The following USH2A variants were observed in gnomAD, a reference collection of about 807,000 sequenced individuals.
USH2A encodes the protein Usher syndrome 2A (autosomal recessive, mild).
USH2A carries 443 observed loss-of-function variants against 538.9 expected under a neutral mutation model. The ratio of observed to expected loss-of-function variants is 0.82; its 90% CI spans 0.76 to 0.89. The LOEUF is 0.89. Ranked by LOEUF, USH2A falls within the 40% of genes least tolerant of loss-of-function variation. The pLI is 0.00. For missense variants in USH2A, 6,633 were observed against 6,324.8 expected (o/e 1.05, Z -1.65); for synonymous variants, 2,413 against 2,273.5 (o/e 1.06, Z -1.75).
At chr1:216,167,395 C>T (rs2034192029) in intron 21 of USH2A, among the ~76,000 whole-genome samples, 1 of 152,098 alleles carries the variant, frequency 6.6e-6, no homozygotes, top group African/African-American at 2.4e-5. Context: ...CCAATGAGAT[C>T]TCAGGAGATG....
At chr1:216,377,628 A>G (rs914872266) in intron 3 of USH2A, among the ~76,000 whole-genome samples, 1 of 151,110 alleles carries the variant, frequency 6.6e-6, no homozygotes, top group Admixed American at 6.6e-5. Flanking sequence ...TCCAATTCTG[A>G]CATGTTTCTT....
chr1:215,758,286 CA>C lies in USH2A; in HGVS notation c.11389+308del, dbSNP rs34577448. ...GGGCAACAAGAGTGAAACTCCGTCT[CA>C]AAAAAAAAAAAAAAATAGATGAGTA... On this transcript the variant is annotated intron_variant, in intron 58 of 71. Transcript: ENST00000307340. Among the ~76,000 whole-genome samples the C allele has an allele frequency of 0.79, 107,466 of 135,192 alleles. 42,510 individuals are homozygous for C. The highest frequency in any genetic ancestry group is 0.98 in the East Asian group (4,535 of 4,610). 88.7% of individuals were successfully genotyped at this position (135,192 alleles called of 152,430 possible).
At chr1:216,322,341 G>A (rs1197545754) in intron 8 of USH2A, among the ~76,000 whole-genome samples, 3 of 152,072 alleles carry the variant, frequency 2.0e-5, no homozygotes, top group African/African-American at 7.2e-5. Flanking sequence ...GGTGGCTCAC[G>A]CCTGTAATCT....
intron 62 of USH2A, 105 bp downstream of exon 62, chr1:215,680,044 C>T: frequency 3.5e-6 from 4 of 1,130,802 alleles, no homozygotes; most frequent in Non-Finnish European, 5.3e-6. Flanking sequence ...GAGAATTAAA[C>T]AGGCTGTGAA....
chr1:215,752,446 G>A (rs370593596), intron 58 of USH2A, among the ~76,000 whole-genome samples: 1 of 152,096 alleles, frequency 6.6e-6, no homozygotes, highest in Admixed American at 6.6e-5. Flanking sequence ...GGAGACAGGG[G>A]AATATTTACC....
At chr1:216,282,302 A>T (rs963399132) in intron 11 of USH2A, among the ~76,000 whole-genome samples, 7 of 152,208 alleles carry the variant, frequency 4.6e-5, no homozygotes, top group African/African-American at 1.7e-4. Context: ...CCACTGGCTA[A>T]TCCGAGGACA....
At chr1:216,167,924 A>G (rs2034202639) in intron 21 of USH2A, among the ~76,000 whole-genome samples, 1 of 152,124 alleles carries the variant, frequency 6.6e-6, no homozygotes, top group Admixed American at 6.6e-5. Flanking sequence ...GAGCACTGGA[A>G]CCAAGTTTTG....
chr1:215,959,409 C>T (rs1347895463), intron 37 of USH2A, among the ~76,000 whole-genome samples: 2 of 151,970 alleles, frequency 1.3e-5, no homozygotes, highest in Non-Finnish European at 2.9e-5. Context: ...CATTTCCTTT[C>T]TTTCCCGGTC....
intron 9 of USH2A, among the ~76,000 whole-genome samples, chr1:216,296,405 A>G (rs980360952): frequency 7.9e-5 from 12 of 152,154 alleles, no homozygotes; most frequent in Non-Finnish European, 4.4e-5. Flanking sequence ...TAATACCTCA[A>G]TCTTGCTCCT....
At chr1:216,088,067 C>T (rs1165757082) in intron 23 of USH2A, among the ~76,000 whole-genome samples, 2 of 152,144 alleles carry the variant, frequency 1.3e-5, no homozygotes, top group Non-Finnish European at 2.9e-5. Context: ...CCCTCTTTCC[C>T]ACACTGGCCT....
At chr1:215,915,894 G>A (rs904922178) in intron 38 of USH2A, among the ~76,000 whole-genome samples, 2 of 151,792 alleles carry the variant, frequency 1.3e-5, no homozygotes, top group Non-Finnish European at 2.9e-5. Context: ...GTAGGGACAT[G>A]GATGAAATTG....
intron 61 of USH2A, among the ~76,000 whole-genome samples, chr1:215,700,563 C>T (rs1658974602): frequency 6.6e-6 from 1 of 152,092 alleles, no homozygotes; most frequent in South Asian, 2.1e-4. Context: ...GGAATTTATC[C>T]ATTTCTTCTA....
At chr1:215,664,595 T>A (rs1657545445) in intron 64 of USH2A, among the ~76,000 whole-genome samples, 2 of 152,234 alleles carry the variant, frequency 1.3e-5, no homozygotes, top group Admixed American at 6.5e-5. Flanking sequence ...ACTCTGCCCA[T>A]AGAATACAGA....
At chr1:215,741,621 A>C in intron 59 of USH2A, 84 bp from the exon 60 acceptor site, 1 of 1,481,464 alleles carries the variant, frequency 6.8e-7, no homozygotes, top group Non-Finnish European at 9.2e-7. Context: ...TAATGATATC[A>C]TGAAAATTAT....
intron 55 of USH2A, among the ~76,000 whole-genome samples, chr1:215,775,468 T>C (rs1423032725): frequency 4.6e-5 from 7 of 152,192 alleles, no homozygotes; most frequent in Non-Finnish European, 7.3e-5. Context: ...ATTTTTTGAA[T>C]ATATTAAGTA....
Position 216,403,578 on chromosome 1 carries a change from G to A in USH2A, c.651+14936C>T, listed in dbSNP as rs116168586. 9.1e-3 allele frequency among the ~76,000 whole-genome samples: 1,379 copies of A among 152,180 alleles called. 13 individuals are homozygous for A. The highest frequency in any genetic ancestry group is 0.024 in the Middle Eastern group (7 of 294). On this transcript the variant is annotated intron_variant, in intron 3 of 71. Transcript: ENST00000307340. The stretch of plus-strand genomic sequence containing the variant: ...ATAAATGTGAGTTCAGCAAAGTTTT[G>A]AAATACAAGATCACCCTAGAAAATT...
At chr1:215,679,407 G>A (rs1344826367) in intron 62 of USH2A, among the ~76,000 whole-genome samples, 7 of 152,132 alleles carry the variant, frequency 4.6e-5, no homozygotes, top group South Asian at 4.1e-4. Flanking sequence ...TAGTTGATGA[G>A]GGCCTAAGAG....
chr1:215,968,989 A>G (rs1222007374), intron 36 of USH2A, among the ~76,000 whole-genome samples: 1 of 152,168 alleles, frequency 6.6e-6, no homozygotes, highest in Non-Finnish European at 1.5e-5. Flanking sequence ...AAGAAGCTGA[A>G]TCTGTAATAT....
chr1:215,625,672 A>C lies in USH2A; in HGVS notation c.*109T>G. 1 of 983,604 alleles carries C rather than the reference A, an allele frequency of 1.0e-6. No individual in the cohort carries two copies. Among genetic ancestry groups the C allele is most frequent in the South Asian group, 1.3e-5 (1 of 74,932 alleles). The allele number at this position is 983,604 out of a possible 1,614,324, so 60.9% of individuals were successfully genotyped here. A position where few individuals can be genotyped will look rare whatever the true frequency, so the allele number is the denominator to read the frequency against. On this transcript the variant is annotated 3_prime_UTR_variant, in exon 72 of 72. Coordinates refer to ENST00000307340, the MANE Select transcript of USH2A (RefSeq NM_206933.4). ...AGTCATCATTTCTTTAAAGAATTAT[A>C]GGATAATAAACAATGGCTTTTCAGC...
Sources: allele counts gnomAD v4.1 joint callset (sites outside exome capture counted in the v4.1 genomes callset), GRCh38; gene constraint gnomAD v4.1.1; transcripts MANE v1.5; gene names NCBI Gene and HGNC (gene_info 2026-07-23, HGNC 2026-07-21).